The following PLCH1 variants were observed in gnomAD, a reference collection of about 807,000 sequenced individuals.
PLCH1 encodes the protein 1-phosphatidylinositol 4,5-bisphosphate phosphodiesterase eta-1.
A neutral mutation model predicts 126.7 loss-of-function variants in PLCH1; 60 were observed. That is an observed-to-expected ratio of 0.47 (90% CI 0.38 to 0.59). The LOEUF (loss-of-function observed/expected upper bound fraction) is 0.59, where lower values mean the gene tolerates loss of function less well. PLCH1 is among the 20% of genes least tolerant of loss of function. The pLI, the probability that PLCH1 is intolerant of heterozygous loss-of-function variation, is 0.00. For missense variants in PLCH1, 1,723 were observed against 2,040.0 expected, an observed-to-expected ratio of 0.84 and a Z score of 2.99; for synonymous variants, 719 against 734.9, an observed-to-expected ratio of 0.98 and a Z score of 0.35.
At chr3:155,484,127 T>C (rs1714629057) in intron 22 of PLCH1, among the ~76,000 whole-genome samples, 1 of 152,188 alleles carries the variant, frequency 6.6e-6, no homozygotes, top group Admixed American at 6.5e-5. Context: ...CTATGTATTG[T>C]TTTATATTTA....
chr3:155,520,436 G>A (rs957329122), intron 11 of PLCH1, among the ~76,000 whole-genome samples: 1 of 152,180 alleles, frequency 6.6e-6, no homozygotes, highest in African/African-American at 2.4e-5. Flanking sequence ...GACTCCTTTA[G>A]AACTTGCTGG....
intron 15 of PLCH1, among the ~76,000 whole-genome samples, chr3:155,497,081 T>G (rs1049929282): frequency 6.6e-6 from 1 of 152,190 alleles, no homozygotes; most frequent in Non-Finnish European, 1.5e-5. Flanking sequence ...TAAAGTCCTC[T>G]TTGGCCCTGT....
intron 12 of PLCH1, among the ~76,000 whole-genome samples, chr3:155,514,016 A>G (rs902839917): frequency 2.6e-5 from 4 of 152,178 alleles, no homozygotes; most frequent in African/African-American, 9.7e-5. Flanking sequence ...TCTCGCAACC[A>G]TCATAGACAG....
chr3:155,563,937 GTCTC>G (rs148001604), intron 8 of PLCH1, among the ~76,000 whole-genome samples: 1 of 149,896 alleles, frequency 6.7e-6, no homozygotes, highest in African/African-American at 2.4e-5. Flanking sequence ...CTCTCTCTCT[GTCTC>G]TCTCTCTCTC....
At position 155,481,003 on chromosome 3, in the gene PLCH1, C is replaced by T. The variant is rs866009964; in HGVS notation, c.5023G>A (p.Asp1675Asn). 1.3e-6 allele frequency: 2 copies of T among 1,594,986 alleles called. No homozygotes were observed. Among genetic ancestry groups the T allele is most frequent in the Non-Finnish European group, 1.7e-6 (2 of 1,166,702 alleles). ...AAAAGAAAATAAATTTCTGGTTTAT[C>T]ATCACTGCTTGGCTCAGTCTGCAAA... is the stretch of plus-strand genomic sequence containing the variant. ...SVLQTEPSSD[D>N]KPEIYFLLRL Residue 1675 changes from aspartate (D) to asparagine (N), a missense_variant, in exon 23 of 23, where the codon GAT (aspartate) becomes AAT (asparagine). Transcript: ENST00000460012. This position sits in a 1 kb window ranked among gnomAD's most constrained non-coding sequence, Gnocchi z 4.2.
rs1306232827 is a variant in PLCH1, at chr3:155,565,242, T to C, written c.866-124A>G. The C allele has an allele frequency of 4.7e-6, 3 of 641,522 alleles. No individual in the cohort carries two copies. The African/African-American group carries it at 5.5e-5, about 12-fold the overall frequency. 39.7% of individuals were successfully genotyped at this position (641,522 alleles called of 1,614,324 possible). On this transcript the variant is annotated intron_variant, in intron 7 of 22. Transcript: ENST00000460012. Reference sequence around the variant, plus strand: ...ATCTTATTTACCCTCAGGATGGCATTTGTGGGGAAAACTGGAGCAATGAGA... The same window carrying C: ...ATCTTATTTACCCTCAGGATGGCATCTGTGGGGAAAACTGGAGCAATGAGA...
In PLCH1 at chr3:155,725,601, G is replaced by A. The variant is rs190013236; in HGVS notation, c.-41+19239C>T. Among the ~76,000 whole-genome samples the A allele has an allele frequency of 2.6e-3, 401 of 151,844 alleles. 1 individual carries two copies. The highest frequency in any genetic ancestry group is 3.7e-3 in the Non-Finnish European group (254 of 67,890). Reference sequence around the variant, plus strand: ...TAGCTGGGATTACAGATGCATGCCCGGCTAATTTTTGTATTTTTAGTAGAG... The same window carrying A: ...TAGCTGGGATTACAGATGCATGCCCAGCTAATTTTTGTATTTTTAGTAGAG... On this transcript the variant is annotated intron_variant, in intron 1 of 22. Transcript: ENST00000460012.
At position 155,481,831 on chromosome 3, in the gene PLCH1, C is replaced by A; in HGVS notation, c.4195G>T (p.Gly1399Cys). The A allele has an allele frequency of 6.2e-7, 1 of 1,614,082 alleles. No homozygotes were observed. Among genetic ancestry groups the A allele is most frequent in the South Asian group, 1.1e-5 (1 of 91,080 alleles). Residue 1399 changes from glycine (G) to cysteine (C), a missense_variant, in exon 23 of 23, where the codon GGC becomes TGC. Gly to Cys is a radical substitution (Grantham distance 159, BLOSUM62 -3). Transcript: ENST00000460012. This position sits in a 1 kb window ranked among gnomAD's most constrained non-coding sequence, Gnocchi z 4.2. ...GGGCGGAGGGTCTCTTTACAGTAGC[C>A]GTTTCTCAAACCTCTTTGAAAGTGT... is the stretch of plus-strand genomic sequence containing the variant. ...VEHFQRGLRN[G>C]YCKETLRPSV...
intron 2 of PLCH1, among the ~76,000 whole-genome samples, 188 bp from the exon 3 acceptor site, chr3:155,596,566 G>C (rs1382362553): frequency 7.7e-6 from 1 of 130,254 alleles, no homozygotes; most frequent in Non-Finnish European, 1.6e-5. Flanking sequence ...TCAGTAAAAA[G>C]CCTTACTAAC....
chr3:155,601,961 CTTGGCCT>C (rs989902894), intron 2 of PLCH1, among the ~76,000 whole-genome samples: 3 of 152,176 alleles, frequency 2.0e-5, no homozygotes, highest in African/African-American at 7.2e-5. Flanking sequence ...GTCTTTTGTG[CTTGGCCT>C]TTCACTAAGC....
At chr3:155,591,164 G>A (rs1732117205) in intron 4 of PLCH1, among the ~76,000 whole-genome samples, 1 of 152,172 alleles carries the variant, frequency 6.6e-6, no homozygotes, top group Admixed American at 6.5e-5. Context: ...TTGCAGCTAT[G>A]GAATGCTGTG....
At chr3:155,529,592 C>T (rs1287309159) in intron 10 of PLCH1, among the ~76,000 whole-genome samples, 1 of 152,054 alleles carries the variant, frequency 6.6e-6, no homozygotes, top group African/African-American at 2.4e-5. Context: ...AAAAAAAGTA[C>T]ATACGTTAAT....
rs1724867647 is a variant in PLCH1 at position 155,544,316 on chromosome 3, C to A, written c.1362+5471G>T. 4.6e-5 allele frequency among the ~76,000 whole-genome samples: 7 copies of A among 152,124 alleles called. No individual in the cohort carries two copies. The South Asian group carries it at 1.5e-3, about 32-fold the overall frequency. Reference sequence around the variant, plus strand: ...GGCCATTACATAATGGTAAAGGGACCAATTCAACAAGAAGAGCTAACTATC... The same window carrying A: ...GGCCATTACATAATGGTAAAGGGACAAATTCAACAAGAAGAGCTAACTATC... On this transcript the variant is annotated intron_variant, in intron 10 of 22. Transcript: ENST00000460012.
chr3:155,505,756 T>G (rs1167644802), intron 12 of PLCH1, among the ~76,000 whole-genome samples: 1 of 152,194 alleles, frequency 6.6e-6, no homozygotes, highest in Non-Finnish European at 1.5e-5. Flanking sequence ...ATGCGGATCA[T>G]TAACTGTTCA....
At chr3:155,521,292 A>G (rs918188622) in intron 11 of PLCH1, among the ~76,000 whole-genome samples, 1 of 152,088 alleles carries the variant, frequency 6.6e-6, no homozygotes, top group Non-Finnish European at 1.5e-5. Context: ...TCTCCCATTG[A>G]TGTGTAAACT....
chr3:155,459,584 G>T (rs1712635471), intron 21 of PLCH1, among the ~76,000 whole-genome samples: 2 of 152,156 alleles, frequency 1.3e-5, no homozygotes, highest in Non-Finnish European at 2.9e-5. Flanking sequence ...AAAGGGGTCA[G>T]AGGCTCAAGA....
rs1725877260 is a variant in PLCH1 at position 155,549,901 on chromosome 3, A to C, written c.1248T>G (p.Ile416Met). ...NHCSIQQQRKIAQYLKGIFGD... is the reference protein window; with the variant it reads ...NHCSIQQQRKMAQYLKGIFGD... Reference sequence around the variant, plus strand: ...CGAATATTCCTTTCAGGTACTGAGCAATCTTCCTTTGCTGCTGGATACTGC... The same window carrying C: ...CGAATATTCCTTTCAGGTACTGAGCCATCTTCCTTTGCTGCTGGATACTGC... The change falls in exon 10 of 23, where the codon ATT becomes ATG. Residue 416 changes from isoleucine (I) to methionine (M), a missense_variant. Physicochemically the swap from Ile to Met is conservative, Grantham distance 10. Transcript: ENST00000460012. 3 of 1,613,598 alleles carry C rather than the reference A, an allele frequency of 1.9e-6. No homozygotes were observed. Among genetic ancestry groups the C allele is most frequent in the South Asian group, 1.1e-5 (1 of 91,080 alleles).
chr3:155,666,378 C>T (rs1324818258), intron 2 of PLCH1, among the ~76,000 whole-genome samples: 1 of 152,086 alleles, frequency 6.6e-6, no homozygotes, highest in Non-Finnish European at 1.5e-5. Context: ...TTTTTGAAAA[C>T]ACAGTTACTC....
At chr3:155,609,695 G>T (rs1450404707) in intron 2 of PLCH1, among the ~76,000 whole-genome samples, 1 of 151,824 alleles carries the variant, frequency 6.6e-6, no homozygotes, top group African/African-American at 2.4e-5. Context: ...ATATAATAAA[G>T]TAAAAACAAA....
Sources: gnomAD v4.1 joint callset for allele counts (sites outside exome capture counted in the v4.1 genomes callset) on GRCh38, gnomAD v4.1.1 for gene constraint, Gnocchi (gnomAD v3.1) non-coding constraint, MANE v1.5 for transcripts, NCBI Gene and HGNC (gene_info 2026-07-23, HGNC 2026-07-21) for gene names.